CTNNA2: variants seen among roughly 807,000 people sequenced by gnomAD.
The protein encoded by CTNNA2 is catenin alpha 2, also known as catenin alpha-2.
Under a neutral mutation model 101.0 loss-of-function variants are expected in CTNNA2, and 42 were observed. That is an observed-to-expected ratio of 0.42 (90% confidence interval 0.32 to 0.54). CTNNA2 has a LOEUF of 0.54. CTNNA2 is among the 20% of genes least tolerant of loss of function. The probability of loss-of-function intolerance (pLI) is 0.14; values close to 1 mark genes in which losing one functional copy is unlikely to be tolerated. For missense variants in CTNNA2, 871 were observed against 1,223.1 expected (o/e 0.71, Z 4.29); for synonymous variants, 450 against 456.4 (o/e 0.99, Z 0.18).
intron 12 of CTNNA2, among the ~76,000 whole-genome samples, chr2:80,562,031 T>C (rs1693647916): frequency 1.3e-5 from 2 of 152,168 alleles, no homozygotes; most frequent in East Asian, 3.9e-4. Context: ...TTAAAAACTT[T>C]TGGAATATAA....
At chr2:80,620,681 C>A (rs746958343) in intron 18 of CTNNA2, among the ~76,000 whole-genome samples, 7 of 151,946 alleles carry the variant, frequency 4.6e-5, no homozygotes, top group Non-Finnish European at 1.0e-4. Context: ...ACCTACCTTC[C>A]ATTAAAAGTA....
At chr2:79,223,905 G>A (rs1374499391) in intron 2 of CTNNA2, among the ~76,000 whole-genome samples, 1 of 152,196 alleles carries the variant, frequency 6.6e-6, no homozygotes, top group African/African-American at 2.4e-5. Context: ...CTTGCAATCT[G>A]CAGATTTAAT....
At chr2:80,566,687 A>C (rs1272302421) in intron 12 of CTNNA2, among the ~76,000 whole-genome samples, 1 of 152,192 alleles carries the variant, frequency 6.6e-6, no homozygotes, top group African/African-American at 2.4e-5. Context: ...ATCGTGGAGA[A>C]GGAAGGGCCT....
At chr2:79,447,821 C>T (rs1485439629) in intron 4 of CTNNA2, among the ~76,000 whole-genome samples, 2 of 152,010 alleles carry the variant, frequency 1.3e-5, no homozygotes, top group Admixed American at 1.3e-4. Context: ...GTGGACTGTT[C>T]CCATTACCAT....
At chr2:80,201,529 A>G (rs1707212125) in intron 7 of CTNNA2, among the ~76,000 whole-genome samples, 1 of 151,600 alleles carries the variant, frequency 6.6e-6, no homozygotes, top group Non-Finnish European at 1.5e-5. Context: ...GCCTGCCACC[A>G]TGCCTGGCTA....
At chr2:79,724,192 T>G (rs1049897773) in intron 2 of CTNNA2, among the ~76,000 whole-genome samples, 3 of 151,628 alleles carry the variant, frequency 2.0e-5, no homozygotes, top group African/African-American at 7.3e-5. Context: ...TTCCTTCAGG[T>G]TTTTTTCCAT....
At chr2:80,287,547 C>T (rs1930) in intron 7 of CTNNA2, among the ~76,000 whole-genome samples, 82,860 of 151,990 alleles carry the variant, frequency 0.55, 23,904 homozygotes, top group African/African-American at 0.75. Context: ...ACGATACTGA[C>T]GATAGTAATA....
At chr2:80,352,420 G>T (rs888235597) in intron 7 of CTNNA2, among the ~76,000 whole-genome samples, 1 of 152,004 alleles carries the variant, frequency 6.6e-6, no homozygotes, top group Non-Finnish European at 1.5e-5. Context: ...TGATATTTCC[G>T]CTGGTCAGTA....
chr2:80,637,546 C>G (rs1388095769), intron 18 of CTNNA2, among the ~76,000 whole-genome samples: 2 of 151,996 alleles, frequency 1.3e-5, no homozygotes, highest in Non-Finnish European at 2.9e-5. Context: ...GGGCTGGGGT[C>G]CCAAGGAGAG....
intron 7 of CTNNA2, among the ~76,000 whole-genome samples, chr2:80,181,708 C>T (rs1481653469): frequency 6.6e-6 from 1 of 152,140 alleles, no homozygotes; most frequent in Non-Finnish European, 1.5e-5. Context: ...TCATTATATT[C>T]CTTGGTTCTC....
chr2:79,616,886 AAT>A (rs986745553), intron 1 of CTNNA2, among the ~76,000 whole-genome samples: 1 of 150,970 alleles, frequency 6.6e-6, no homozygotes, highest in Non-Finnish European at 1.5e-5. Flanking sequence ...TCTCCCCAAT[AAT>A]ATTTAATATT....
intron 3 of CTNNA2, among the ~76,000 whole-genome samples, chr2:79,341,338 C>T (rs1199538146): frequency 1.3e-5 from 2 of 152,276 alleles, no homozygotes; most frequent in African/African-American, 4.8e-5. Flanking sequence ...GAACATTTTT[C>T]ATGCCTGTAA....
At chr2:80,099,855 T>TA (rs911112275) in intron 7 of CTNNA2, among the ~76,000 whole-genome samples, 1 of 152,116 alleles carries the variant, frequency 6.6e-6, no homozygotes, top group African/African-American at 2.4e-5. Context: ...AGAGAGACAG[T>TA]AAAAAATCAT....
intron 15 of CTNNA2, among the ~76,000 whole-genome samples, chr2:80,596,671 C>A (rs1169839582): frequency 1.3e-5 from 2 of 152,038 alleles, no homozygotes; most frequent in African/African-American, 2.4e-5. Context: ...AATTTGACTT[C>A]TTTTCTTTCT....
chr2:80,564,814 G>T (rs3770317), intron 12 of CTNNA2, among the ~76,000 whole-genome samples: 32,739 of 152,082 alleles, frequency 0.22, 3,732 homozygotes, highest in African/African-American at 0.27. Flanking sequence ...GCAGCAAATA[G>T]GGAGCAGATT....
intron 9 of CTNNA2, among the ~76,000 whole-genome samples, chr2:80,521,015 G>A (rs1332319888): frequency 2.6e-5 from 4 of 152,198 alleles, no homozygotes; most frequent in Non-Finnish European, 5.9e-5. Context: ...AGGGGTACCA[G>A]GTGAATGAGG....
intron 2 of CTNNA2, among the ~76,000 whole-genome samples, chr2:79,722,055 T>C (rs917356322): frequency 6.6e-6 from 1 of 152,166 alleles, no homozygotes; most frequent in African/African-American, 2.4e-5. Flanking sequence ...TACACTTGAA[T>C]TTGATTCAAT....
At chr2:80,209,324 C>T (rs1253784523) in intron 7 of CTNNA2, among the ~76,000 whole-genome samples, 1 of 151,808 alleles carries the variant, frequency 6.6e-6, no homozygotes, top group Non-Finnish European at 1.5e-5. Flanking sequence ...GCCTCAGCCT[C>T]CTGACTACCT....
chr2:79,950,478 C>T (rs1435294616), intron 7 of CTNNA2, among the ~76,000 whole-genome samples: 2 of 152,208 alleles, frequency 1.3e-5, no homozygotes, highest in Admixed American at 6.5e-5. Flanking sequence ...AGAGGCTTCG[C>T]TGTGTATTGA....
Sources: gnomAD v4.1 joint callset for allele counts (sites outside exome capture counted in the v4.1 genomes callset) on GRCh38, gnomAD v4.1.1 for gene constraint, MANE v1.5 for transcripts, NCBI Gene and HGNC (gene_info 2026-07-23, HGNC 2026-07-21) for gene names.